Variants in HUWE1 observed in about 807,000 individuals in gnomAD.
HUWE1 encodes the protein E3 ubiquitin-protein ligase HUWE1.
A neutral mutation model predicts 299.4 loss-of-function variants in HUWE1; 18 were observed. That is an observed-to-expected ratio of 0.06 (90% CI 0.04 to 0.09). The LOEUF is 0.09. Among genes scored for constraint, HUWE1 ranks in the 10% least tolerant of loss-of-function variants. The pLI, the probability that HUWE1 is intolerant of heterozygous loss-of-function variation, is 1.00. For missense variants in HUWE1, 1,832 were observed against 3,462.3 expected (o/e 0.53, Z 11.82); for synonymous variants, 1,317 against 1,286.1 (o/e 1.02, Z -0.51).
At chrX:53,586,409 T>C (rs2063860668) in intron 39 of HUWE1, 81 bp downstream of exon 39, 1 of 609,851 alleles carries the variant, frequency 1.6e-6, no homozygotes, top group Non-Finnish European at 2.8e-6. Context: ...TATTCTTCAC[T>C]ACTCTCTCAT....
At chrX:53,652,136 G>C (rs928346136) in intron 4 of HUWE1, among the ~76,000 whole-genome samples, 1 of 111,658 alleles carries the variant, frequency 9.0e-6, no homozygotes, top group Non-Finnish European at 1.9e-5. Context: ...ACCACAATGA[G>C]ATATTACTTC....
intron 77 of HUWE1, 47 bp from the exon 78 acceptor site, chrX:53,537,743 CA>C (rs2061128184): frequency 2.6e-6 from 3 of 1,162,498 alleles, no homozygotes; most frequent in South Asian, 3.8e-5. Context: ...GGTGGCAGAA[CA>C]AATTTGTTTG....
At chrX:53,620,757 T>C (rs2066098511) in intron 19 of HUWE1, among the ~76,000 whole-genome samples, 1 of 111,754 alleles carries the variant, frequency 8.9e-6, no homozygotes, top group Non-Finnish European at 1.9e-5. Context: ...TATGAGTCTA[T>C]AATACCCAAA....
chrX:53,575,606 T>C (rs2063066678), intron 45 of HUWE1, 37 bp downstream of exon 45: 2 of 1,189,007 alleles, frequency 1.7e-6, no homozygotes, highest in Non-Finnish European at 1.1e-6. Flanking sequence ...CATTGAAAAA[T>C]GAGAAGAAAG....
intron 19 of HUWE1, among the ~76,000 whole-genome samples, chrX:53,623,372 AC>A (rs2066268773): frequency 8.9e-6 from 1 of 111,752 alleles, no homozygotes; most frequent in Non-Finnish European, 1.9e-5. Flanking sequence ...TTAAAAAAAA[AC>A]AAAAAAACCC....
chrX:53,677,098 G>T (rs1269829540), intron 3 of HUWE1, among the ~76,000 whole-genome samples: 1 of 11,733 alleles, frequency 8.5e-5, no homozygotes, highest in Non-Finnish European at 1.6e-4. Flanking sequence ...CCACCCCCCC[G>T]CAATATATTT....
chrX:53,627,590 T>C (rs2066602331), intron 16 of HUWE1, 75 bp from the exon 17 acceptor site: 3 of 757,340 alleles, frequency 4.0e-6, no homozygotes, highest in Non-Finnish European at 5.6e-6. Flanking sequence ...TTAAAAACTA[T>C]TATAATGGAA....
intron 29 of HUWE1, among the ~76,000 whole-genome samples, chrX:53,597,284 A>G (rs1426731996): frequency 1.1e-4 from 12 of 109,310 alleles, no homozygotes; most frequent in Admixed American, 1.1e-3. Context: ...GAGAAAGGGT[A>G]TCTGCCTGAA....
At position 53,625,254 on chromosome X, in the gene HUWE1, G is replaced by A. The variant is rs782516586; in HGVS notation, c.1494C>T (p.Val498=). The A allele has an allele frequency of 1.7e-6, 2 of 1,171,887 alleles. No individual in the cohort carries two copies. The highest frequency in any genetic ancestry group is 1.8e-5 in the African/African-American group (1 of 56,439). Residue 498 remains valine, a synonymous_variant, in exon 18 of 84, where the codon GTC becomes GTT. Transcript: ENST00000262854. The part of the protein sequence containing the change: ...GEEMETDMDG[V]QCIPQRAALL... ...GTGCTGCTCGTTGTGGAATACACTG[G>A]ACTCCTGGCAATGAAGAAAGACAAA...
intron 43 of HUWE1, among the ~76,000 whole-genome samples, chrX:53,578,624 G>C (rs1352644082): frequency 5.6e-4 from 53 of 94,179 alleles, no homozygotes; most frequent in African/African-American, 2.1e-3. Flanking sequence ...GTCCGGGAGG[G>C]AGGTGGGGGA....
intron 36 of HUWE1, among the ~76,000 whole-genome samples, chrX:53,589,021 C>T (rs1379187790): frequency 8.9e-6 from 1 of 112,482 alleles, no homozygotes; most frequent in Admixed American, 9.4e-5. Context: ...TAATTTCTTT[C>T]CCTGCTTCTA....
chrX:53,552,840 T>A lies in HUWE1; in HGVS notation c.8548A>T (p.Ser2850Cys), dbSNP rs376473006. Residue 2850 changes from serine (S) to cysteine (C), a missense_variant, in exon 62 of 84, where the codon AGT becomes TGT. Physicochemically the swap from Ser to Cys is moderately radical, Grantham distance 112. Around this residue, in one of 15 missense-constraint regions of HUWE1, gnomAD observed 143 missense variants for 148.1 expected, o/e 0.97. Transcript: ENST00000262854. Reference sequence around the variant, plus strand: ...TCCATAGGAGAGCCTTCTAGCTGACTGCTGACAGCCGTCAGTGCATCAGAA... The same window carrying A: ...TCCATAGGAGAGCCTTCTAGCTGACAGCTGACAGCCGTCAGTGCATCAGAA... ...EDSDALTAVS[S>C]QLEGSPMDTS... is the part of the protein sequence containing the mutation. 84 of 1,208,352 alleles carry A rather than the reference T, an allele frequency of 7.0e-5. No individual in the cohort carries two copies. The highest frequency in any genetic ancestry group is 2.8e-4 in the Admixed American group (13 of 45,797).
At chrX:53,642,818 G>C (rs919232825) in intron 7 of HUWE1, among the ~76,000 whole-genome samples, 2 of 112,291 alleles carry the variant, frequency 1.8e-5, no homozygotes, top group Non-Finnish European at 3.8e-5. Context: ...TTGTTGATCT[G>C]GAAGAGTTCC....
At chrX:53,538,276 G>T in intron 77 of HUWE1, 61 bp downstream of exon 77, 1 of 786,567 alleles carries the variant, frequency 1.3e-6, no homozygotes, top group Non-Finnish European at 2.0e-6. Context: ...AACTTCAGAG[G>T]CGAGTTACCA....
At chrX:53,663,879 T>TAA (rs376201617) in intron 3 of HUWE1, among the ~76,000 whole-genome samples, 3 of 94,791 alleles carry the variant, frequency 3.2e-5, no homozygotes, top group South Asian at 4.8e-4. Flanking sequence ...GTGGGAAAGT[T>TAA]AAAAAAAAAA....
chrX:53,557,837 T>C (rs1333169560), intron 59 of HUWE1, among the ~76,000 whole-genome samples: 1 of 111,815 alleles, frequency 8.9e-6, no homozygotes. Flanking sequence ...TATATCAAGT[T>C]TGAAACAATG....
At chrX:53,536,749 G>C in intron 78 of HUWE1, 82 bp from the exon 79 acceptor site, 3 of 865,396 alleles carry the variant, frequency 3.5e-6, no homozygotes, top group South Asian at 2.1e-5. Context: ...GAGAGACTGT[G>C]AAGCAGTGTC....
intron 83 of HUWE1, 187 bp from the exon 84 acceptor site, chrX:53,533,598 CA>C: frequency 2.1e-6 from 1 of 469,128 alleles, no homozygotes. Flanking sequence ...CATCAGGCAC[CA>C]AAACCAAAAA....
Position 53,645,408 on chromosome X carries a change from T to C in HUWE1, c.407A>G (p.Asn136Ser), listed in dbSNP as rs2067908472. Residue 136 changes from asparagine to serine, a missense_variant, in exon 7 of 84, where the codon AAT becomes AGT. Physicochemically the swap from Asn to Ser is conservative, Grantham distance 46 (BLOSUM62 1). Around this residue, in one of 15 missense-constraint regions of HUWE1, gnomAD observed 658 missense variants for 1,282.6 expected, o/e 0.51. Coordinates refer to ENST00000262854, the MANE Select transcript of HUWE1 (RefSeq NM_031407.7). ...SDMQVVLAVL[N>S]LLYVFSKRSN... ...TCTTTTGCTAAATACATATAGGAGA[T>C]TGAGGACTGCCAGCACCACTTGCAT... 5.8e-6 allele frequency: 7 copies of C among 1,207,145 alleles called. No homozygotes were observed. Among genetic ancestry groups the C allele is most frequent in the Non-Finnish European group, 7.8e-6 (7 of 894,081 alleles).
Sources: gnomAD v4.1 joint callset for allele counts (sites outside exome capture counted in the v4.1 genomes callset) on GRCh38, gnomAD v4.1.1 for gene constraint, gnomAD v4.1.1 regional missense constraint, MANE v1.5 for transcripts, NCBI Gene and HGNC (gene_info 2026-07-23, HGNC 2026-07-21) for gene names.